SDK1: variants seen among roughly 807,000 people sequenced by gnomAD.
SDK1 encodes sidekick cell adhesion molecule 1, also known as protein sidekick-1.
In SDK1, 157 loss-of-function variants were observed where a neutral mutation model predicts 245.5. The ratio of observed to expected loss-of-function variants is 0.64; its 90% CI spans 0.56 to 0.73. SDK1 has a LOEUF of 0.73. SDK1 is among the 30% of genes least tolerant of loss of function. The pLI, the probability that SDK1 is intolerant of heterozygous loss-of-function variation, is 0.00. For synonymous variants in SDK1, 1,647 were observed against 1,278.5 expected (o/e 1.29, Z -6.15); for missense variants, 3,583 against 3,002.3 (o/e 1.19, Z -4.52).
At chr7:3,416,873 G>T (rs1025617550) in intron 1 of SDK1, among the ~76,000 whole-genome samples, 1 of 152,088 alleles carries the variant, frequency 6.6e-6, no homozygotes, top group South Asian at 2.1e-4. Context: ...CCTAGAAAGT[G>T]ATAAAAGTGA....
chr7:3,764,406 C>T (rs1396896448), intron 4 of SDK1, among the ~76,000 whole-genome samples: 22 of 152,322 alleles, frequency 1.4e-4, no homozygotes, highest in Non-Finnish European at 1.5e-5. Flanking sequence ...CCATCCTAGG[C>T]CGGGCACAGT....
chr7:4,104,634 C>G (rs1327390732), intron 22 of SDK1, among the ~76,000 whole-genome samples: 1 of 152,176 alleles, frequency 6.6e-6, no homozygotes, highest in African/African-American at 2.4e-5. Context: ...TTACTAGTTC[C>G]TCATTAATGA....
intron 25 of SDK1, among the ~76,000 whole-genome samples, chr7:4,118,603 A>T (rs1005599859): frequency 1.3e-5 from 2 of 150,082 alleles, no homozygotes; most frequent in African/African-American, 4.9e-5. Context: ...CAGAAAACAT[A>T]TGTCTACACA....
chr7:3,589,279 C>T (rs1162769687), intron 1 of SDK1, among the ~76,000 whole-genome samples: 2 of 152,182 alleles, frequency 1.3e-5, no homozygotes, highest in Non-Finnish European at 2.9e-5. Flanking sequence ...GACGTCAGTA[C>T]TGGTCTCACA....
intron 5 of SDK1, among the ~76,000 whole-genome samples, chr7:3,843,778 A>G (rs1583468959): frequency 6.6e-6 from 1 of 152,158 alleles, no homozygotes. Flanking sequence ...CAGTTTTCCC[A>G]TCTGTGAAAT....
At chr7:4,151,833 G>A (rs1045270922) in intron 30 of SDK1, among the ~76,000 whole-genome samples, 1 of 152,202 alleles carries the variant, frequency 6.6e-6, no homozygotes, top group Non-Finnish European at 1.5e-5. Context: ...CAGGTGCCTT[G>A]ACGTCTCTAA....
chr7:3,538,026 G>A (rs924070867), intron 1 of SDK1, among the ~76,000 whole-genome samples: 2 of 152,256 alleles, frequency 1.3e-5, no homozygotes, highest in East Asian at 3.9e-4. Context: ...TTTTTTTCCT[G>A]CCTTTCGTGG....
intron 4 of SDK1, among the ~76,000 whole-genome samples, chr7:3,814,705 G>A (rs1779465239): frequency 6.6e-6 from 1 of 151,866 alleles, no homozygotes; most frequent in African/African-American, 2.4e-5. Flanking sequence ...ACCTTGGGCA[G>A]TATGGCCATT....
chr7:4,020,115 G>C (rs548439780), intron 17 of SDK1, among the ~76,000 whole-genome samples: 2 of 152,284 alleles, frequency 1.3e-5, no homozygotes, highest in African/African-American at 4.8e-5. Context: ...TGACAGTCTC[G>C]GAGACGCCGG....
intron 28 of SDK1, among the ~76,000 whole-genome samples, chr7:4,142,927 A>G (rs749412504): frequency 1.2e-4 from 19 of 152,218 alleles, no homozygotes; most frequent in Non-Finnish European, 2.5e-4. Context: ...TGCTTTTTCC[A>G]GGCAGAACAC....
At chr7:3,342,600 A>G (rs1022997840) in intron 1 of SDK1, among the ~76,000 whole-genome samples, 3 of 152,264 alleles carry the variant, frequency 2.0e-5, no homozygotes, top group Non-Finnish European at 2.9e-5. Flanking sequence ...AAAAAAAGAA[A>G]AAAAAAAGGA....
chr7:3,435,839 T>C (rs1302247035), intron 1 of SDK1, among the ~76,000 whole-genome samples: 1 of 152,030 alleles, frequency 6.6e-6, no homozygotes, highest in Non-Finnish European at 1.5e-5. Context: ...CAATGATTAC[T>C]TACTCTCAAA....
At chr7:3,708,246 C>T (rs1339619325) in intron 4 of SDK1, among the ~76,000 whole-genome samples, 1 of 152,166 alleles carries the variant, frequency 6.6e-6, no homozygotes. Flanking sequence ...GGAGGGGTGG[C>T]ACTAAACCAT....
At chr7:3,849,166 T>C (rs1257586925) in intron 5 of SDK1, among the ~76,000 whole-genome samples, 1 of 152,206 alleles carries the variant, frequency 6.6e-6, no homozygotes, top group Admixed American at 6.5e-5. Context: ...ACCCCTCCTC[T>C]GCTGGACTGT....
At chr7:3,980,889 C>G (rs147389131) in intron 13 of SDK1, among the ~76,000 whole-genome samples, 49 of 151,282 alleles carry the variant, frequency 3.2e-4, no homozygotes, top group Non-Finnish European at 5.9e-4. Context: ...TGCAGTGAGC[C>G]GAATTGCACC....
chr7:3,456,328 C>A (rs1357884339), intron 1 of SDK1, among the ~76,000 whole-genome samples: 2 of 152,128 alleles, frequency 1.3e-5, no homozygotes, highest in Non-Finnish European at 2.9e-5. Flanking sequence ...TTCTCCTCTG[C>A]TTTTGAAGCT....
intron 17 of SDK1, among the ~76,000 whole-genome samples, chr7:4,033,861 T>G (rs1039214888): frequency 6.6e-6 from 1 of 152,150 alleles, no homozygotes; most frequent in African/African-American, 2.4e-5. Context: ...CAACCCCTAA[T>G]TAATTCAATC....
At chr7:3,416,323 A>C (rs73300383) in intron 1 of SDK1, among the ~76,000 whole-genome samples, 4,040 of 152,212 alleles carry the variant, frequency 0.027, 209 homozygotes, top group African/African-American at 0.093. Flanking sequence ...CAGATAGTGG[A>C]GAACTGTGCT....
At chr7:4,232,014 C>A (rs1785805085) in intron 40 of SDK1, among the ~76,000 whole-genome samples, 2 of 146,858 alleles carry the variant, frequency 1.4e-5, no homozygotes, top group African/African-American at 5.0e-5. Flanking sequence ...ATTGCTACTT[C>A]AAATGAACAT....
Sources: allele counts gnomAD v4.1 joint callset (sites outside exome capture counted in the v4.1 genomes callset), GRCh38; gene constraint gnomAD v4.1.1; transcripts MANE v1.5; gene names NCBI Gene and HGNC (gene_info 2026-07-23, HGNC 2026-07-21).